Variants in GCNT4 observed in about 807,000 individuals in gnomAD.
The protein encoded by GCNT4 is beta-1,3-galactosyl-O-glycosyl-glycoprotein beta-1,6-N-acetylglucosaminyltransferase 4.
GCNT4 carries 17 observed loss-of-function variants against 31.3 expected under a neutral mutation model. The observed-to-expected ratio is 0.54, with a 90% CI of 0.37 to 0.81. The LOEUF (loss-of-function observed/expected upper bound fraction) is 0.81. GCNT4 is among the 40% of genes least tolerant of loss of function. The pLI is 0.00. For missense variants in GCNT4, 503 were observed against 525.5 expected, an observed-to-expected ratio of 0.96 and a Z score of 0.42; for synonymous variants, 158 against 190.6, an observed-to-expected ratio of 0.83 and a Z score of 1.41.
intron 3 of GCNT4, among the ~76,000 whole-genome samples, chr5:75,042,148 T>G (rs1743334727): frequency 6.6e-6 from 1 of 152,232 alleles, no homozygotes; most frequent in Non-Finnish European, 1.5e-5. Flanking sequence ...TCATTCCTTC[T>G]TGGGATCCCC....
intron 3 of GCNT4, among the ~76,000 whole-genome samples, chr5:75,043,356 T>C (rs1462784996): frequency 5.9e-5 from 9 of 152,198 alleles, no homozygotes; most frequent in Admixed American, 3.9e-4. Flanking sequence ...AGAGAGCCAG[T>C]TGCCTTCCAA....
At chr5:75,037,039 TATTG>T (rs1479639428) in intron 3 of GCNT4, among the ~76,000 whole-genome samples, 1 of 152,224 alleles carries the variant, frequency 6.6e-6, no homozygotes, top group Non-Finnish European at 1.5e-5. Flanking sequence ...ATGAAGAGCT[TATTG>T]ATTTAGAAAT....
Position 75,028,338 on chromosome 5 carries a change from A to G in GCNT4, c.*338T>C. ...ATCCTGACTGTTATGTGGAGAACTT[A>G]AAGATACCGAGGTTGCTATGATGAG... On this transcript the variant is annotated 3_prime_UTR_variant, in exon 4 of 4. Coordinates refer to ENST00000652361, the MANE Select transcript of GCNT4 (RefSeq NM_001366737.1). 1 of 227,980 alleles carries G rather than the reference A, an allele frequency of 4.4e-6. No homozygotes were observed. 14.1% of individuals were successfully genotyped at this position (227,980 alleles called of 1,614,324 possible).
At chr5:75,022,080 G>A (rs1742886542), downstream of GCNT4, among the ~76,000 whole-genome samples, 1 of 152,082 alleles carries the variant, frequency 6.6e-6, no homozygotes, top group Non-Finnish European at 1.5e-5. Context: ...CTGGGTAGAG[G>A]CCATCTCACT....
At position 75,026,825 on chromosome 5, in the gene GCNT4, T is replaced by C. The variant is rs1374907896; in HGVS notation, c.*1851A>G. On this transcript the variant is annotated 3_prime_UTR_variant, in exon 4 of 4. Transcript: ENST00000652361. ...GCAGAACTTGGCTCTATACAATGTT[T>C]ACTTATTTTGAAGAATGGGGCTTGG... is the stretch of plus-strand genomic sequence containing the variant. The C allele has an allele frequency of 6.6e-6, 1 of 152,082 alleles. No homozygotes were observed. Among genetic ancestry groups the C allele is most frequent in the Non-Finnish European group, 1.5e-5 (1 of 68,024 alleles). 9.4% of individuals were successfully genotyped at this position (152,082 alleles called of 1,614,324 possible).
chr5:75,019,238 G>A, the GCNT4 span, among the ~76,000 whole-genome samples: 1 of 152,126 alleles, frequency 6.6e-6, no homozygotes, highest in African/African-American at 2.4e-5. Flanking sequence ...GACATACGAG[G>A]ATATAATGAG....
In GCNT4 at chr5:75,028,902, T is replaced by G; in HGVS notation, c.1136A>C (p.Tyr379Ser). 1.2e-6 allele frequency: 2 copies of G among 1,614,018 alleles called. No individual in the cohort carries two copies. The highest frequency in any genetic ancestry group is 2.2e-5 in the East Asian group (1 of 44,878). Residue 379 changes from tyrosine (Y) to serine (S), a missense_variant, in exon 4 of 4, where the codon TAT (tyrosine) becomes TCT (serine). By Grantham distance (144) the Tyr-to-Ser change is moderately radical. Transcript: ENST00000652361. ...AAGGTGAGATCCAGTACAACTGGGATAGAAAAAGCCTTCATAGTAATTCCA... is the reference window on the plus strand; with the variant it reads ...AAGGTGAGATCCAGTACAACTGGGAGAGAAAAAGCCTTCATAGTAATTCCA... ...VKWNYYEGFF[Y>S]PSCTGSHLRS...
chr5:75,040,100 T>C (rs553072524), intron 3 of GCNT4, among the ~76,000 whole-genome samples: 1 of 152,194 alleles, frequency 6.6e-6, no homozygotes, highest in Non-Finnish European at 1.5e-5. Flanking sequence ...CCTGTTTCCA[T>C]GTCTAGACTA....
At chr5:75,050,725 AC>A (rs928587225) in intron 2 of GCNT4, among the ~76,000 whole-genome samples, 12 of 134,300 alleles carry the variant, frequency 8.9e-5, no homozygotes, top group African/African-American at 2.5e-4. Context: ...CTCACACCCT[AC>A]ACAAAACTCA....
At chr5:75,018,260 G>A in the GCNT4 span, among the ~76,000 whole-genome samples, 1 of 151,988 alleles carries the variant, frequency 6.6e-6, no homozygotes, top group Non-Finnish European at 1.5e-5. Context: ...GTCACCGGGG[G>A]TAACATGTTT....
chr5:75,040,626 T>C lies in GCNT4; in HGVS notation c.-2+7271A>G, dbSNP rs558576701. 1.4e-4 allele frequency among the ~76,000 whole-genome samples: 22 copies of C among 152,358 alleles called. No homozygotes were observed. The South Asian group carries it at 1.9e-3, about 13-fold the overall frequency. On this transcript the variant is annotated intron_variant, in intron 3 of 3. Transcript: ENST00000652361. ...GTGCAACTGTGAAAGTCTTATGATG[T>C]AATGTATGTGAAAGTCATGGGGAAA...
Position 75,029,536 on chromosome 5 carries a change from C to T in GCNT4, c.502G>A (p.Ala168Thr). Residue 168 changes from alanine to threonine, a missense_variant, in exon 4 of 4, where the codon GCA becomes ACA. Physicochemically the swap from Ala to Thr is moderately conservative, Grantham distance 58. Transcript: ENST00000652361. ...NIYCIHYDRK[A>T]PDTFKVAMNN... Reference sequence around the variant, plus strand: ...ATGGCAACTTTGAAGGTATCAGGTGCCTTACGATCATAATGGATGCAGTAA... The same window carrying T: ...ATGGCAACTTTGAAGGTATCAGGTGTCTTACGATCATAATGGATGCAGTAA... 1 of 1,614,116 alleles carries T rather than the reference C, an allele frequency of 6.2e-7. No homozygotes were observed. Among genetic ancestry groups the T allele is most frequent in the Non-Finnish European group, 8.5e-7 (1 of 1,180,028 alleles).
intron 3 of GCNT4, among the ~76,000 whole-genome samples, chr5:75,032,576 C>T (rs184453759): frequency 9.8e-5 from 15 of 152,314 alleles, no homozygotes; most frequent in Admixed American, 9.8e-4. Context: ...TCCCCGCTGC[C>T]AAGTCCAGAC....
At chr5:75,036,200 C>A (rs1332066707) in intron 3 of GCNT4, among the ~76,000 whole-genome samples, 2 of 151,258 alleles carry the variant, frequency 1.3e-5, no homozygotes, top group Admixed American at 6.6e-5. Flanking sequence ...GAAGTTCAAA[C>A]CTGTGTTGTT....
chr5:75,042,706 T>G (rs1400307312), intron 3 of GCNT4, among the ~76,000 whole-genome samples: 1 of 152,206 alleles, frequency 6.6e-6, no homozygotes, highest in East Asian at 1.9e-4. Flanking sequence ...CTTGCTTGTT[T>G]GTTTTCTGGG....
intron 2 of GCNT4, among the ~76,000 whole-genome samples, chr5:75,050,952 G>A (rs537062533): frequency 6.6e-6 from 1 of 152,304 alleles, no homozygotes; most frequent in Admixed American, 6.5e-5. Context: ...TCTCATCTGC[G>A]TACTATCAGG....
At chr5:75,024,636 G>A (rs1040320992), downstream of GCNT4, among the ~76,000 whole-genome samples, 4 of 152,132 alleles carry the variant, frequency 2.6e-5, no homozygotes, top group East Asian at 7.7e-4. Context: ...GGGTGTCTGC[G>A]TGCTCACAAC....
intron 3 of GCNT4, among the ~76,000 whole-genome samples, chr5:75,047,518 T>C (rs1743468112): frequency 6.6e-6 from 1 of 152,110 alleles, no homozygotes; most frequent in Admixed American, 6.5e-5. Flanking sequence ...TGGGGGAGGC[T>C]TGACTTGGAT....
intron 2 of GCNT4, among the ~76,000 whole-genome samples, chr5:75,051,422 C>T (rs1743565497): frequency 6.6e-6 from 1 of 152,224 alleles, no homozygotes; most frequent in African/African-American, 2.4e-5. Context: ...TGCTTTCTTC[C>T]CGCCTTGTAG....
Sources: allele counts gnomAD v4.1 joint callset (sites outside exome capture counted in the v4.1 genomes callset), GRCh38; gene constraint gnomAD v4.1.1; transcripts MANE v1.5; gene names NCBI Gene and HGNC (gene_info 2026-07-23, HGNC 2026-07-21).